CLCN5: variants seen among roughly 807,000 people sequenced by gnomAD.
CLCN5 encodes H(+)/Cl(-) exchange transporter 5.
A neutral mutation model predicts 54.0 loss-of-function variants in CLCN5; 17 were observed. The ratio of observed to expected loss-of-function variants is 0.31; its 90% CI spans 0.22 to 0.47. The LOEUF (loss-of-function observed/expected upper bound fraction) is 0.47. Ranked by LOEUF, CLCN5 falls within the 20% of genes least tolerant of loss-of-function variation. CLCN5 has a pLI of 1.00. For synonymous variants in CLCN5, 222 were observed against 233.0 expected, an observed-to-expected ratio of 0.95 and a Z score of 0.43; for missense variants, 448 against 646.7, an observed-to-expected ratio of 0.69 and a Z score of 3.33.
chrX:50,079,682 G>C (rs1933600873), intron 7 of CLCN5, among the ~76,000 whole-genome samples: 1 of 111,409 alleles, frequency 9.0e-6, no homozygotes, highest in Non-Finnish European at 1.9e-5. Context: ...GGTTGTTCCT[G>C]AGTCTGTGGT....
At chrX:50,034,583 T>C (rs2147463258) in intron 3 of CLCN5, among the ~76,000 whole-genome samples, 1 of 112,014 alleles carries the variant, frequency 8.9e-6, no homozygotes. Context: ...ACATGCTTTG[T>C]ATTTTCATTT....
At chrX:49,934,806 C>T (rs782513722) in intron 3 of CLCN5, among the ~76,000 whole-genome samples, 29 of 111,692 alleles carry the variant, frequency 2.6e-4, no homozygotes, top group East Asian at 2.3e-3. Flanking sequence ...AAGACAAGCA[C>T]GATAAGTTAC....
At chrX:50,057,407 G>C (rs1932771931) in intron 4 of CLCN5, among the ~76,000 whole-genome samples, 2 of 78,977 alleles carry the variant, frequency 2.5e-5, no homozygotes, top group Non-Finnish European at 4.9e-5. Flanking sequence ...GACTCTCCTG[G>C]ATAGATACTA....
At chrX:50,067,323 AGG>A (rs1933059945) in intron 4 of CLCN5, among the ~76,000 whole-genome samples, 1 of 111,250 alleles carries the variant, frequency 9.0e-6, no homozygotes, top group East Asian at 2.8e-4. Context: ...TTTTATACTT[AGG>A]ACCCCTGTAA....
intron 3 of CLCN5, among the ~76,000 whole-genome samples, chrX:50,017,917 A>C (rs1318316437): frequency 9.0e-6 from 1 of 111,574 alleles, no homozygotes; most frequent in African/African-American, 3.2e-5. Context: ...TCAGTCTTCC[A>C]GGTTTGTTCT....
intron 3 of CLCN5, among the ~76,000 whole-genome samples, chrX:49,987,644 T>A (rs1347986687): frequency 9.0e-6 from 1 of 111,702 alleles, no homozygotes; most frequent in Non-Finnish European, 1.9e-5. Context: ...GGTGTTGTAA[T>A]TGTCAACTTT....
chrX:50,043,028 G>A (rs1373742879), intron 4 of CLCN5, among the ~76,000 whole-genome samples: 2 of 111,796 alleles, frequency 1.8e-5, no homozygotes, highest in African/African-American at 3.2e-5. Context: ...CGTATGTAGT[G>A]TTATCTCATC....
At chrX:49,924,821 T>G (rs782143375) in intron 2 of CLCN5, among the ~76,000 whole-genome samples, 16 of 111,974 alleles carry the variant, frequency 1.4e-4, no homozygotes, top group Non-Finnish European at 9.4e-5. Flanking sequence ...TTTTGGGGGT[T>G]GGTTAGGGCA....
intron 9 of CLCN5, among the ~76,000 whole-genome samples, chrX:50,083,901 G>A (rs1453151431): frequency 9.0e-6 from 1 of 111,682 alleles, no homozygotes; most frequent in African/African-American, 3.3e-5. Flanking sequence ...AGATTGCTGG[G>A]GACTTTCATT....
In CLCN5 at chrX:49,946,878, G is replaced by A. The variant is rs1388655289; in HGVS notation, c.16+21564G>A. Among the ~76,000 whole-genome samples the A allele has an allele frequency of 2.9e-4, 32 of 110,113 alleles. No individual in the cohort carries two copies. The Admixed American group carries it at 3.0e-3, about 10-fold the overall frequency. On this transcript the variant is annotated intron_variant, in intron 3 of 14. Transcript: ENST00000376091. ...AGTTTCGCTCTTGTTACCCAGGCTG[G>A]AGTGCAATGGCGTGATCTCGGCTCA...
At chrX:49,955,034 G>A (rs1927245449) in intron 3 of CLCN5, among the ~76,000 whole-genome samples, 1 of 110,792 alleles carries the variant, frequency 9.0e-6, no homozygotes, top group South Asian at 3.8e-4. Flanking sequence ...ATAGACCTGG[G>A]TTTAACTCTG....
intron 9 of CLCN5, 111 bp downstream of exon 9, chrX:50,081,958 C>A: frequency 1.5e-6 from 1 of 650,131 alleles, no homozygotes; most frequent in Non-Finnish European, 2.4e-6. Flanking sequence ...CACCCTTTGA[C>A]CCAGCAATTC....
At chrX:49,965,995 G>T (rs1211428466) in intron 3 of CLCN5, among the ~76,000 whole-genome samples, 2 of 111,433 alleles carry the variant, frequency 1.8e-5, no homozygotes, top group Non-Finnish European at 3.8e-5. Context: ...TGTTGGATTT[G>T]CTAAAATTCT....
At chrX:50,066,523 G>C (rs1318414943) in intron 4 of CLCN5, among the ~76,000 whole-genome samples, 2 of 112,220 alleles carry the variant, frequency 1.8e-5, no homozygotes, top group Non-Finnish European at 3.8e-5. Context: ...CTGTGACTGG[G>C]TTAATGTTTA....
chrX:50,034,099 G>C (rs1557186258), intron 3 of CLCN5, among the ~76,000 whole-genome samples: 1 of 112,234 alleles, frequency 8.9e-6, no homozygotes, highest in African/African-American at 3.2e-5. Context: ...ACGTTCTATG[G>C]CACTCAGAGA....
chrX:50,090,199 G>A lies in CLCN5; in HGVS notation c.1828G>A (p.Ala610Thr), dbSNP rs387907403. Residue 610 changes from alanine (A) to threonine (T), a missense_variant, in exon 13 of 15, where the codon GCT becomes ACT. Ala to Thr is a moderately conservative substitution (Grantham distance 58). Transcript: ENST00000376091. ...CTTAGAATACATCGTGCCTCTGATG[G>A]CTGCAGCCATGACAAGCAAGTGGGT... Reference protein sequence around the residue: ...GGLEYIVPLMAAAMTSKWVAD... With the variant: ...GGLEYIVPLMTAAMTSKWVAD... 8 of 1,209,590 alleles carry A rather than the reference G, an allele frequency of 6.6e-6. No individual in the cohort carries two copies. The Admixed American group carries it at 1.3e-4, about 20-fold the overall frequency.
chrX:50,025,720 C>G (rs1229014391), intron 3 of CLCN5, among the ~76,000 whole-genome samples: 4 of 110,657 alleles, frequency 3.6e-5, no homozygotes, highest in Non-Finnish European at 3.8e-5. Flanking sequence ...TCTGTCATCC[C>G]GTTTCCTTTT....
intron 3 of CLCN5, among the ~76,000 whole-genome samples, chrX:49,971,778 G>A (rs1569537626): frequency 8.9e-6 from 1 of 111,909 alleles, no homozygotes; most frequent in Non-Finnish European, 1.9e-5. Flanking sequence ...TCTACTGTTC[G>A]TGCTAAGATT....
intron 12 of CLCN5, 139 bp downstream of exon 12, chrX:50,089,023 G>A: frequency 1.8e-6 from 1 of 551,348 alleles, no homozygotes; most frequent in Non-Finnish European, 3.1e-6. Context: ...AGCACATTAA[G>A]AAAGCATCTG....
Sources: allele counts gnomAD v4.1 joint callset (sites outside exome capture counted in the v4.1 genomes callset), GRCh38; gene constraint gnomAD v4.1.1; transcripts MANE v1.5; gene names NCBI Gene and HGNC (gene_info 2026-07-23, HGNC 2026-07-21).